Variants in TAOK3 observed in about 807,000 individuals in gnomAD.
TAOK3 encodes serine/threonine-protein kinase TAO3.
A neutral mutation model predicts 120.4 loss-of-function variants in TAOK3; 40 were observed. That is an observed-to-expected ratio of 0.33 (90% CI 0.26 to 0.43). The LOEUF (loss-of-function observed/expected upper bound fraction) is 0.43, where lower values mean the gene tolerates loss of function less well. Among genes scored for constraint, TAOK3 ranks in the 20% least tolerant of loss-of-function variants. TAOK3 has a pLI of 1.00. For missense variants in TAOK3, 821 were observed against 1,112.1 expected (o/e 0.74, Z 3.72); for synonymous variants, 355 against 387.5 (o/e 0.92, Z 0.99).
At chr12:118,342,946 A>G (rs2044682014) in intron 1 of TAOK3, among the ~76,000 whole-genome samples, 1 of 150,386 alleles carries the variant, frequency 6.6e-6, no homozygotes. Context: ...AAAAAAAAAA[A>G]AAAAAAAAAA....
chr12:118,351,650 C>A (rs543568282), intron 1 of TAOK3, among the ~76,000 whole-genome samples: 2 of 151,866 alleles, frequency 1.3e-5, no homozygotes, highest in Non-Finnish European at 2.9e-5. Context: ...ATTATAACAC[C>A]CAATTGAAGT....
intron 1 of TAOK3, among the ~76,000 whole-genome samples, chr12:118,344,325 A>G (rs1029591625): frequency 6.6e-5 from 10 of 151,708 alleles, no homozygotes; most frequent in African/African-American, 2.4e-4. Context: ...AGGTAAGGCA[A>G]TTACAGAGTT....
chr12:118,184,687 T>C (rs1461856735), intron 14 of TAOK3, among the ~76,000 whole-genome samples: 3 of 152,222 alleles, frequency 2.0e-5, no homozygotes, highest in East Asian at 1.9e-4. Flanking sequence ...AAGTCTGAAA[T>C]GGGAGAAAGT....
intron 16 of TAOK3, among the ~76,000 whole-genome samples, chr12:118,176,118 A>G (rs1374797215): frequency 6.6e-6 from 1 of 152,236 alleles, no homozygotes; most frequent in African/African-American, 2.4e-5. Flanking sequence ...TTCCTTAGGA[A>G]AGTGACATTT....
At chr12:118,353,748 TCAGAAA>T (rs1370361515) in intron 1 of TAOK3, among the ~76,000 whole-genome samples, 1 of 152,078 alleles carries the variant, frequency 6.6e-6, no homozygotes, top group Non-Finnish European at 1.5e-5. Flanking sequence ...TTAGGAATTC[TCAGAAA>T]CAAGGAAAAA....
intron 1 of TAOK3, among the ~76,000 whole-genome samples, chr12:118,295,722 T>G (rs2042655452): frequency 6.6e-6 from 1 of 152,204 alleles, no homozygotes; most frequent in Admixed American, 6.5e-5. Flanking sequence ...AAAATGTGAA[T>G]AATTCTATCC....
intron 1 of TAOK3, among the ~76,000 whole-genome samples, chr12:118,323,744 A>G (rs921621842): frequency 6.6e-6 from 1 of 152,202 alleles, no homozygotes; most frequent in African/African-American, 2.4e-5. Context: ...TATTTAAGAA[A>G]TGATATGCAT....
rs568094889 is a variant in TAOK3, at chr12:118,330,526, G to A, written c.-194+42122C>T. Among the ~76,000 whole-genome samples the A allele has an allele frequency of 3.0e-4, 45 of 152,232 alleles. 1 individual carries two copies. The South Asian group carries it at 7.3e-3, about 25-fold the overall frequency. ...CAGATGGTTAAGATATGGTGTAAGT[G>A]TATGTGCGTGTCTGGCTGCAGTTGA... On this transcript the variant is annotated intron_variant, in intron 1 of 20. Coordinates refer to ENST00000392533, the MANE Select transcript of TAOK3 (RefSeq NM_016281.4).
In TAOK3 at chr12:118,180,399, C is replaced by T. The variant is rs141560141; in HGVS notation, c.1566+972G>A. 3.0e-4 allele frequency among the ~76,000 whole-genome samples: 45 copies of T among 152,174 alleles called. No individual in the cohort carries two copies. The East Asian group carries it at 8.2e-3, about 28-fold the overall frequency. ...GGGACTATAGGCATGTGCCACCACA[C>T]CCAGCTAACTTTTGTATTTTTTGTG... is the stretch of plus-strand genomic sequence containing the variant. On this transcript the variant is annotated intron_variant, in intron 15 of 20. Transcript: ENST00000392533.
chr12:118,248,068 T>C (rs1355165214), intron 3 of TAOK3, among the ~76,000 whole-genome samples: 2 of 152,156 alleles, frequency 1.3e-5, no homozygotes, highest in African/African-American at 2.4e-5. Context: ...TTTTCTTAAA[T>C]ACAACTAATT....
intron 1 of TAOK3, among the ~76,000 whole-genome samples, chr12:118,292,424 C>A (rs908560358): frequency 1.3e-5 from 2 of 152,054 alleles, no homozygotes; most frequent in African/African-American, 4.8e-5. Flanking sequence ...TTTGGTTGGG[C>A]CTAGTTTAAT....
At chr12:118,300,415 G>A (rs904319708) in intron 1 of TAOK3, among the ~76,000 whole-genome samples, 1 of 152,218 alleles carries the variant, frequency 6.6e-6, no homozygotes, top group African/African-American at 2.4e-5. Context: ...AGTGATAAAA[G>A]AGATAATTCT....
At chr12:118,195,023 A>C (rs1308356181) in intron 13 of TAOK3, among the ~76,000 whole-genome samples, 1 of 152,184 alleles carries the variant, frequency 6.6e-6, no homozygotes, top group East Asian at 1.9e-4. Flanking sequence ...CTGAGATTAA[A>C]GGTGTGAGCC....
Position 118,372,672 on chromosome 12 carries a change from G to A in TAOK3, c.-218C>T. The A allele has an allele frequency of 6.3e-6, 1 of 157,902 alleles. No homozygotes were observed. Among genetic ancestry groups the A allele is most frequent in the Non-Finnish European group, 1.4e-5 (1 of 72,168 alleles). 9.8% of individuals were successfully genotyped at this position (157,902 alleles called of 1,614,324 possible). A position where few individuals can be genotyped will look rare whatever the true frequency, so the allele number is the denominator to read the frequency against. ...CCTCAGACCTGCTGTCACCACCCCC[G>A]GGCCCGGCGCCGCCGCCGCCGCTTC... On this transcript the variant is annotated 5_prime_UTR_variant, in exon 1 of 21. Transcript: ENST00000392533. The surrounding 1 kb of genome is among the most constrained non-coding windows in gnomAD (Gnocchi z 4.6).
intron 1 of TAOK3, among the ~76,000 whole-genome samples, chr12:118,324,459 A>G (rs1340047470): frequency 6.6e-6 from 1 of 152,052 alleles, no homozygotes; most frequent in Non-Finnish European, 1.5e-5. Context: ...CTCTTGTGCT[A>G]TCAAATACTA....
In TAOK3 at chr12:118,266,721, CTCTTTTA is replaced by C; in HGVS notation, c.-162_-156del. 1 of 397,780 alleles carries C rather than the reference CTCTTTTA, an allele frequency of 2.5e-6. No homozygotes were observed. The highest frequency in any genetic ancestry group is 4.4e-6 in the Non-Finnish European group (1 of 225,716). The allele number at this position is 397,780 out of a possible 1,614,324, so 24.6% of individuals were successfully genotyped here. On this transcript the variant is annotated 5_prime_UTR_variant, in exon 2 of 21. Coordinates refer to ENST00000392533, the MANE Select transcript of TAOK3 (RefSeq NM_016281.4). ...CATTTTAGCAGCAAACTTCTCTTTT[CTCTTTTA>C]TAACTTCAGTCCTTTGTATTTATGA...
chr12:118,238,452 A>C (rs1423785762), intron 6 of TAOK3, among the ~76,000 whole-genome samples: 1 of 152,192 alleles, frequency 6.6e-6, no homozygotes, highest in Admixed American at 6.5e-5. Context: ...AGCCACACTG[A>C]TTCCAATTAA....
intron 1 of TAOK3, among the ~76,000 whole-genome samples, chr12:118,362,137 C>T (rs1320874780): frequency 6.6e-6 from 1 of 152,032 alleles, no homozygotes; most frequent in Non-Finnish European, 1.5e-5. Context: ...CAACTACTAA[C>T]TGCTAGGCAC....
rs552145156 is a variant in TAOK3, at chr12:118,315,073, G to C, written c.-193-48314C>G. On this transcript the variant is annotated intron_variant, in intron 1 of 20. Coordinates refer to ENST00000392533, the MANE Select transcript of TAOK3 (RefSeq NM_016281.4). ...AGCCTCCCGACTAGCTGGGATTACA[G>C]GCATGTGCCACCACCCCTGGCTAAC... is the stretch of plus-strand genomic sequence containing the variant. 1.1e-3 allele frequency among the ~76,000 whole-genome samples: 174 copies of C among 152,206 alleles called. 1 individual carries two copies. Among genetic ancestry groups the C allele is most frequent in the African/African-American group, 3.8e-3 (159 of 41,526 alleles).
Sources: gnomAD v4.1 joint callset for allele counts (sites outside exome capture counted in the v4.1 genomes callset) on GRCh38, gnomAD v4.1.1 for gene constraint, Gnocchi (gnomAD v3.1) non-coding constraint, MANE v1.5 for transcripts, NCBI Gene and HGNC (gene_info 2026-07-23, HGNC 2026-07-21) for gene names.